The following MEGF11 variants were observed in gnomAD, a reference collection of about 807,000 sequenced individuals.
MEGF11 encodes the protein multiple EGF like domains 11, also known as multiple epidermal growth factor-like domains protein 11.
A neutral mutation model predicts 146.6 loss-of-function variants in MEGF11; 126 were observed. The ratio of observed to expected loss-of-function variants is 0.86; its 90% CI spans 0.74 to 1.00. MEGF11 has a LOEUF of 1.00. Ranked by LOEUF, MEGF11 falls within the 50% of genes least tolerant of loss-of-function variation. The pLI is 0.00. For missense variants in MEGF11, 1,509 were observed against 1,521.2 expected, an observed-to-expected ratio of 0.99 and a Z score of 0.13; for synonymous variants, 532 against 583.4, an observed-to-expected ratio of 0.91 and a Z score of 1.27.
At chr15:66,034,494 A>G (rs964546796) in intron 5 of MEGF11, among the ~76,000 whole-genome samples, 1 of 151,616 alleles carries the variant, frequency 6.6e-6, no homozygotes, top group African/African-American at 2.4e-5. Context: ...ATCTTGGCTC[A>G]GTGCAAACTC....
At chr15:66,193,610 T>G (rs895914179) in intron 1 of MEGF11, among the ~76,000 whole-genome samples, 1 of 152,158 alleles carries the variant, frequency 6.6e-6, no homozygotes, top group African/African-American at 2.4e-5. Flanking sequence ...ATTTGTGGTA[T>G]GTGAAACCAA....
intron 10 of MEGF11, among the ~76,000 whole-genome samples, chr15:65,954,834 A>C (rs1437876516): frequency 6.6e-6 from 1 of 151,926 alleles, no homozygotes; most frequent in Non-Finnish European, 1.5e-5. Context: ...TTCTGAGGAG[A>C]AATGAGTAGG....
intron 5 of MEGF11, among the ~76,000 whole-genome samples, chr15:66,061,857 C>T (rs2084921180): frequency 6.6e-6 from 1 of 152,210 alleles, no homozygotes; most frequent in African/African-American, 2.4e-5. Flanking sequence ...GGTTGATAAT[C>T]AAACTCCTGG....
chr15:66,099,246 A>G (rs544171046), intron 4 of MEGF11, among the ~76,000 whole-genome samples: 46 of 132,854 alleles, frequency 3.5e-4, no homozygotes, highest in Non-Finnish European at 6.0e-4. Flanking sequence ...GCTCTGGTGC[A>G]ATCTCGGCTC....
At chr15:66,194,911 G>C (rs759786624) in intron 1 of MEGF11, among the ~76,000 whole-genome samples, 1 of 152,144 alleles carries the variant, frequency 6.6e-6, no homozygotes, top group African/African-American at 2.4e-5. Context: ...CCCCGTTTGT[G>C]CATTTGGGCT....
At chr15:66,062,624 G>A (rs2084949860) in intron 5 of MEGF11, among the ~76,000 whole-genome samples, 1 of 152,192 alleles carries the variant, frequency 6.6e-6, no homozygotes, top group Admixed American at 6.5e-5. Flanking sequence ...CTGAGCAGAG[G>A]AGCCAGTTAA....
intron 5 of MEGF11, among the ~76,000 whole-genome samples, chr15:65,990,614 AAAAAG>A (rs1567192752): frequency 7.3e-6 from 1 of 137,230 alleles, no homozygotes; most frequent in Non-Finnish European, 1.6e-5. Flanking sequence ...AGAAAAGAAA[AAAAAG>A]AAAAGAAAAA....
At chr15:66,059,994 A>G (rs946891638) in intron 5 of MEGF11, among the ~76,000 whole-genome samples, 1 of 151,844 alleles carries the variant, frequency 6.6e-6, no homozygotes, top group Non-Finnish European at 1.5e-5. Context: ...GGGAAGGGAC[A>G]GGTCAGGCAG....
intron 2 of MEGF11, among the ~76,000 whole-genome samples, chr15:66,127,691 T>C (rs2088429183): frequency 6.6e-6 from 1 of 152,226 alleles, no homozygotes; most frequent in Non-Finnish European, 1.5e-5. Context: ...TACTTTAACC[T>C]TGTGCTTCAA....
At chr15:65,992,139 G>A (rs1567193473) in intron 5 of MEGF11, among the ~76,000 whole-genome samples, 1 of 152,216 alleles carries the variant, frequency 6.6e-6, no homozygotes, top group Non-Finnish European at 1.5e-5. Flanking sequence ...CCTGAGCAAA[G>A]GCAGTTGCTC....
intron 1 of MEGF11, among the ~76,000 whole-genome samples, chr15:66,230,184 A>G (rs1040890950): frequency 6.6e-6 from 1 of 152,160 alleles, no homozygotes; most frequent in South Asian, 2.1e-4. Flanking sequence ...GACTCTCTCC[A>G]GTGAAGGAAA....
rs1250564353 is a variant in MEGF11 at position 66,119,085 on chromosome 15, C to T, written c.301+1G>A. ...GCAGAACAGCAGCAGCCCCTACATACGTATGCAGAAGTCTCCGCTCTCATA... is the reference window on the plus strand; with the variant it reads ...GCAGAACAGCAGCAGCCCCTACATATGTATGCAGAAGTCTCCGCTCTCATA... On this transcript the variant is annotated splice_donor_variant, in intron 4 of 25. Coordinates refer to ENST00000395614, the MANE Select transcript of MEGF11 (RefSeq NM_001385028.1). LOFTEE classifies it high-confidence loss of function. The T allele has an allele frequency of 1.1e-5, 17 of 1,545,772 alleles. No individual in the cohort carries two copies. The highest frequency in any genetic ancestry group is 7.4e-5 in the East Asian group (3 of 40,796).
intron 1 of MEGF11, among the ~76,000 whole-genome samples, chr15:66,130,186 G>C (rs1440308303): frequency 6.6e-6 from 1 of 152,220 alleles, no homozygotes; most frequent in African/African-American, 2.4e-5. Context: ...AGCAGAGAAA[G>C]AGCCTGCCCG....
chr15:66,117,064 C>A (rs1170594062), intron 4 of MEGF11, among the ~76,000 whole-genome samples: 2 of 152,164 alleles, frequency 1.3e-5, no homozygotes, highest in South Asian at 4.1e-4. Context: ...AATAAGGATA[C>A]CTTCCTCATA....
At chr15:65,940,824 G>C (rs890327681) in intron 10 of MEGF11, among the ~76,000 whole-genome samples, 10 of 152,196 alleles carry the variant, frequency 6.6e-5, no homozygotes, top group African/African-American at 9.7e-5. Context: ...GCCCCATGTA[G>C]TATTCACTCT....
At chr15:65,994,310 C>T (rs2082138483) in intron 5 of MEGF11, among the ~76,000 whole-genome samples, 1 of 152,192 alleles carries the variant, frequency 6.6e-6, no homozygotes, top group African/African-American at 2.4e-5. Context: ...GGCAGTCAGA[C>T]TGGTACTGTT....
intron 1 of MEGF11, among the ~76,000 whole-genome samples, chr15:66,178,509 C>T (rs1390132130): frequency 6.6e-6 from 1 of 152,184 alleles, no homozygotes; most frequent in African/African-American, 2.4e-5. Context: ...GTTTTAGCAC[C>T]TGAATTCCCC....
intron 1 of MEGF11, among the ~76,000 whole-genome samples, chr15:66,140,837 A>C (rs189492086): frequency 6.6e-6 from 1 of 152,304 alleles, no homozygotes; most frequent in Admixed American, 6.5e-5. Context: ...CGGGCCTGGA[A>C]GTCTGAGCTC....
At chr15:66,014,389 T>C (rs2082812472) in intron 5 of MEGF11, among the ~76,000 whole-genome samples, 1 of 152,226 alleles carries the variant, frequency 6.6e-6, no homozygotes, top group Non-Finnish European at 1.5e-5. Flanking sequence ...AGGAGAATAA[T>C]ATATCTGCCC....
Sources: allele counts gnomAD v4.1 joint callset (sites outside exome capture counted in the v4.1 genomes callset), GRCh38; gene constraint gnomAD v4.1.1; transcripts MANE v1.5; gene names NCBI Gene and HGNC (gene_info 2026-07-23, HGNC 2026-07-21).